The following SH2D1A variants were observed in gnomAD, a reference collection of about 807,000 sequenced individuals.
The protein encoded by SH2D1A is SH2 domain-containing protein 1A.
SH2D1A carries 6 observed loss-of-function variants against 10.1 expected under a neutral mutation model. The observed-to-expected ratio is 0.60, with a 90% CI of 0.33 to 1.18. The LOEUF (loss-of-function observed/expected upper bound fraction) is 1.18. Ranked by LOEUF, SH2D1A falls within the 50% of genes most tolerant of loss-of-function variation. SH2D1A has a pLI of 0.04. For synonymous variants in SH2D1A, 42 were observed against 36.9 expected (o/e 1.14, Z -0.51); for missense variants, 51 against 97.6 (o/e 0.52, Z 2.01).
intron 1 of SH2D1A, among the ~76,000 whole-genome samples, chrX:124,363,889 T>TC (rs1343361930): frequency 6.0e-4 from 5 of 8,372 alleles, no homozygotes; most frequent in Non-Finnish European, 5.9e-4. Flanking sequence ...AGACTCTATC[T>TC]CAAAAAAAAA....
chrX:124,363,093 G>C (rs1024458172), intron 1 of SH2D1A, among the ~76,000 whole-genome samples: 1 of 111,636 alleles, frequency 9.0e-6, no homozygotes, highest in Admixed American at 9.5e-5. Flanking sequence ...ATGGTATTTT[G>C]TTATGGCAGC....
intron 2 of SH2D1A, 104 bp downstream of exon 2, chrX:124,365,928 G>C: frequency 1.8e-6 from 1 of 548,589 alleles, no homozygotes; most frequent in Non-Finnish European, 3.2e-6. Flanking sequence ...TATTCATAAG[G>C]TTTAAATCTC....
intron 1 of SH2D1A, among the ~76,000 whole-genome samples, chrX:124,365,467 C>A (rs2060051769): frequency 9.1e-6 from 1 of 110,285 alleles, no homozygotes; most frequent in Non-Finnish European, 1.9e-5. Context: ...TACAACAGGT[C>A]CCTGTTGTAG....
intron 1 of SH2D1A, among the ~76,000 whole-genome samples, chrX:124,361,390 C>T (rs945672043): frequency 8.0e-5 from 9 of 112,032 alleles, no homozygotes; most frequent in South Asian, 3.7e-4. Flanking sequence ...GTTTAAGCCA[C>T]CCTGTCTATG....
intron 2 of SH2D1A, among the ~76,000 whole-genome samples, chrX:124,369,562 A>G: frequency 8.9e-6 from 1 of 112,345 alleles, no homozygotes; most frequent in Middle Eastern, 4.6e-3. Context: ...AGTATAGGGA[A>G]GTTTCCCAAG....
chrX:124,366,837 C>T lies in SH2D1A; in HGVS notation c.201+1013C>T, dbSNP rs184993085. On this transcript the variant is annotated intron_variant, in intron 2 of 3. Transcript: ENST00000371139. ...AGAGATGATTGAATAAGAAATTAAACTTTATTATGAAGAAAGTTATGTGTA... is the reference window on the plus strand; with the variant it reads ...AGAGATGATTGAATAAGAAATTAAATTTTATTATGAAGAAAGTTATGTGTA... 8.8e-3 allele frequency among the ~76,000 whole-genome samples: 932 copies of T among 105,462 alleles called. 5 individuals carry two copies. The highest frequency in any genetic ancestry group is 0.027 in the Admixed American group (259 of 9,637). 91.6% of individuals were successfully genotyped at this position (105,462 alleles called of 115,157 possible). A position where few individuals can be genotyped will look rare whatever the true frequency, so the allele number is the denominator to read the frequency against.
chrX:124,354,088 G>T (rs2060021256), intron 1 of SH2D1A, among the ~76,000 whole-genome samples: 1 of 111,927 alleles, frequency 8.9e-6, no homozygotes, highest in Non-Finnish European at 1.9e-5. Context: ...TTATCTTCAT[G>T]ATAACTTAGG....
intron 1 of SH2D1A, among the ~76,000 whole-genome samples, chrX:124,361,548 A>G (rs2060040222): frequency 8.9e-6 from 1 of 111,849 alleles, no homozygotes; most frequent in Non-Finnish European, 1.9e-5. Flanking sequence ...TGTATGCTAG[A>G]AAAAAGCATA....
intron 2 of SH2D1A, 56 bp downstream of exon 2, chrX:124,365,880 G>A (rs2060053009): frequency 4.0e-6 from 3 of 755,038 alleles, no homozygotes; most frequent in African/African-American, 4.1e-5. Context: ...TTGAAATTTA[G>A]GCTGGTTTTA....
At chrX:124,351,020 A>G (rs1352423964) in intron 1 of SH2D1A, among the ~76,000 whole-genome samples, 1 of 88,945 alleles carries the variant, frequency 1.1e-5, no homozygotes, top group Non-Finnish European at 2.1e-5. Flanking sequence ...ATTTTTATAT[A>G]TTATTATAAA....
chrX:124,366,553 T>C (rs1253905677), intron 2 of SH2D1A, among the ~76,000 whole-genome samples: 1 of 111,498 alleles, frequency 9.0e-6, no homozygotes, highest in Admixed American at 9.6e-5. Flanking sequence ...ATCTGTGCAT[T>C]TAAAATTTTC....
At chrX:124,350,382 A>G (rs1318857499) in intron 1 of SH2D1A, among the ~76,000 whole-genome samples, 1 of 24,088 alleles carries the variant, frequency 4.2e-5, no homozygotes, top group African/African-American at 1.7e-4. Flanking sequence ...TATATAATAT[A>G]TAAATATATA....
chrX:124,360,356 C>G (rs2060037013), intron 1 of SH2D1A, among the ~76,000 whole-genome samples: 1 of 100,833 alleles, frequency 9.9e-6, no homozygotes, highest in African/African-American at 3.7e-5. Context: ...AATCCTACTA[C>G]TTTGGGAGGC....
chrX:124,353,247 T>C (rs1391901313), intron 1 of SH2D1A: 1 of 124,668 alleles, frequency 8.0e-6, no homozygotes, highest in Non-Finnish European at 1.7e-5. Context: ...CATAAGTCTC[T>C]CCATTTATAA....
chrX:124,350,542 A>G (rs1258155053), intron 1 of SH2D1A, among the ~76,000 whole-genome samples: 1 of 51,446 alleles, frequency 1.9e-5, no homozygotes, highest in Non-Finnish European at 3.1e-5. Context: ...AATATATAAT[A>G]TATACTATAT....
chrX:124,360,125 C>T (rs1457183839), intron 1 of SH2D1A, among the ~76,000 whole-genome samples: 1 of 110,738 alleles, frequency 9.0e-6, no homozygotes, highest in Non-Finnish European at 1.9e-5. Context: ...AGGCTAGTCT[C>T]GAACTCCTGA....
At chrX:124,353,178 T>A in intron 1 of SH2D1A, 1 of 160,379 alleles carries the variant, frequency 6.2e-6, no homozygotes, top group Non-Finnish European at 1.3e-5. Flanking sequence ...ACATTAAATT[T>A]ATTAATAAAC....
At chrX:124,355,286 G>A (rs1209148947) in intron 1 of SH2D1A, among the ~76,000 whole-genome samples, 1 of 13,000 alleles carries the variant, frequency 7.7e-5, no homozygotes, top group Non-Finnish European at 9.9e-5. Context: ...AATAAGTCAG[G>A]TTGGTTGCTT....
At chrX:124,356,972 C>T (rs1179810153) in intron 1 of SH2D1A, among the ~76,000 whole-genome samples, 3 of 112,124 alleles carry the variant, frequency 2.7e-5, no homozygotes, top group Non-Finnish European at 5.6e-5. Flanking sequence ...ACCTCACATA[C>T]TTACATTTTG....
Sources: gnomAD v4.1 joint callset for allele counts (sites outside exome capture counted in the v4.1 genomes callset) on GRCh38, gnomAD v4.1.1 for gene constraint, MANE v1.5 for transcripts, NCBI Gene and HGNC (gene_info 2026-07-23, HGNC 2026-07-21) for gene names.